The following WNK2 variants were observed in gnomAD, a reference collection of about 807,000 sequenced individuals.
The protein encoded by WNK2 is serine/threonine-protein kinase WNK2.
A neutral mutation model predicts 192.1 loss-of-function variants in WNK2; 67 were observed. The observed-to-expected ratio is 0.35, with a 90% confidence interval of 0.29 to 0.43. WNK2 has a LOEUF of 0.43. Ranked by LOEUF, WNK2 falls within the 20% of genes least tolerant of loss-of-function variation. The pLI, the probability that WNK2 is intolerant of heterozygous loss-of-function variation, is 1.00. For missense variants in WNK2, 2,698 were observed against 3,089.7 expected, an observed-to-expected ratio of 0.87 and a Z score of 3.01; for synonymous variants, 1,439 against 1,393.9, an observed-to-expected ratio of 1.03 and a Z score of -0.72.
intron 2 of WNK2, among the ~76,000 whole-genome samples, chr9:93,224,848 G>C (rs149790710): frequency 6.7e-4 from 102 of 152,316 alleles, no homozygotes; most frequent in African/African-American, 2.4e-3. Context: ...TTTAAGCACC[G>C]TGTGAGTCTG....
intron 16 of WNK2, chr9:93,266,880 G>A (rs1845249397): frequency 6.6e-6 from 1 of 152,518 alleles, no homozygotes; most frequent in Non-Finnish European, 1.5e-5. Context: ...GTCTGCCTGG[G>A]AGGAGGTGCC....
chr9:93,242,332 G>C (rs1486921654), intron 7 of WNK2, among the ~76,000 whole-genome samples: 2 of 152,250 alleles, frequency 1.3e-5, no homozygotes, highest in Non-Finnish European at 2.9e-5. Context: ...CCCAGACACA[G>C]AAGCCTCTGC....
At chr9:93,312,238 TTGTTGCC>T in intron 28 of WNK2, among the ~76,000 whole-genome samples, 2 of 152,356 alleles carry the variant, frequency 1.3e-5, no homozygotes, top group South Asian at 4.1e-4. Context: ...TGTTTTTCAT[TTGTTGCC>T]TGTGCCTTTA....
At chr9:93,221,427 C>T (rs911540797) in intron 2 of WNK2, among the ~76,000 whole-genome samples, 1 of 152,196 alleles carries the variant, frequency 6.6e-6, no homozygotes, top group African/African-American at 2.4e-5. Flanking sequence ...TCTCTCCACC[C>T]GTCTACTGGC....
chr9:93,275,407 G>A (rs1405281718), intron 19 of WNK2, among the ~76,000 whole-genome samples: 3 of 151,434 alleles, frequency 2.0e-5, no homozygotes, highest in African/African-American at 7.3e-5. Flanking sequence ...AAAAAAAAAA[G>A]TAATAATTCT....
chr9:93,251,499 C>T (rs1842603642), intron 8 of WNK2, among the ~76,000 whole-genome samples: 1 of 152,108 alleles, frequency 6.6e-6, no homozygotes, highest in African/African-American at 2.4e-5. Flanking sequence ...CACTTGAGCC[C>T]AGGGGTTCGA....
chr9:93,252,920 G>A lies in WNK2; in HGVS notation c.1872G>A (p.Val624=). ...STFDSGQGST[V]YSDSQSSQQS... ...TCGACAGCGGCCAGGGCTCTACCGT[G>A]TACTCAGACTCGCAGAGCAGCCAGC... The change falls in exon 9 of 30, where the codon GTG becomes GTA. Residue 624 remains valine, a synonymous_variant. Coordinates refer to ENST00000427277, the MANE Select transcript of WNK2 (RefSeq NM_006648.4). 1.3e-6 allele frequency: 2 copies of A among 1,568,912 alleles called. No individual in the cohort carries two copies. Among genetic ancestry groups the A allele is most frequent in the African/African-American group, 1.4e-5 (1 of 73,506 alleles).
At chr9:93,295,235 G>A (rs1197469787) in intron 23 of WNK2, among the ~76,000 whole-genome samples, 1 of 152,082 alleles carries the variant, frequency 6.6e-6, no homozygotes, top group Non-Finnish European at 1.5e-5. Context: ...CGGCCTCGGA[G>A]CAGAGTTCCA....
At position 93,257,087 on chromosome 9, in the gene WNK2, C is replaced by T. The variant is rs562107985; in HGVS notation, c.2330C>T (p.Pro777Leu). 1 of 1,608,714 alleles carries T rather than the reference C, an allele frequency of 6.2e-7. No homozygotes were observed. The highest frequency in any genetic ancestry group is 1.3e-5 in the African/African-American group (1 of 74,802). ...GTGGGGGCCCCCGCTCAGCTGAAGC[C>T]CCTCCAGATGCCACAGGCGCCCCTG... ...SQVGAPAQLK[P>L]LQMPQAPLQP... The change falls in exon 11 of 30, where the codon CCC becomes CTC. Residue 777 changes from proline (P) to leucine (L), a missense_variant. Coordinates refer to ENST00000427277, the MANE Select transcript of WNK2 (RefSeq NM_006648.4). The surrounding 1 kb of genome is among the most constrained non-coding windows in gnomAD (Gnocchi z 4.7).
In WNK2 at chr9:93,254,082, A is replaced by G. The variant is rs112336969; in HGVS notation, c.2034+1000A>G. On this transcript the variant is annotated intron_variant, in intron 9 of 29. Transcript: ENST00000427277. ...TAGGCACGCGCCACCACGCCCAGCT[A>G]ATTTTTGTGTTTTTAGTAGACACCA... Among the ~76,000 whole-genome samples, 226 of 152,200 alleles carry G rather than the reference A, an allele frequency of 1.5e-3. 1 individual carries two copies. Among genetic ancestry groups the G allele is most frequent in the Non-Finnish European group, 1.7e-3 (117 of 68,016 alleles).
chr9:93,271,993 A>C (rs1353293512), intron 19 of WNK2, among the ~76,000 whole-genome samples: 1 of 152,248 alleles, frequency 6.6e-6, no homozygotes, highest in East Asian at 1.9e-4. Context: ...GTTGAAAGAA[A>C]AAACTGTCCA....
chr9:93,209,198 G>A (rs1192556708), intron 2 of WNK2, among the ~76,000 whole-genome samples: 2 of 152,160 alleles, frequency 1.3e-5, no homozygotes, highest in Admixed American at 6.5e-5. Flanking sequence ...GTAGGTGCGA[G>A]CACCTGGCGG....
chr9:93,220,173 A>G (rs1836587456), intron 2 of WNK2, among the ~76,000 whole-genome samples: 2 of 152,266 alleles, frequency 1.3e-5, no homozygotes, highest in East Asian at 1.9e-4. Context: ...ACGAGGGTGT[A>G]CACAGGGTGC....
intron 26 of WNK2, among the ~76,000 whole-genome samples, chr9:93,306,075 C>A (rs371774051): frequency 1.3e-5 from 2 of 152,162 alleles, no homozygotes; most frequent in East Asian, 3.9e-4. Flanking sequence ...TGGGACCAGT[C>A]GGTTTAGTGG....
chr9:93,245,320 A>G (rs10821096), intron 7 of WNK2, among the ~76,000 whole-genome samples: 49,697 of 151,982 alleles, frequency 0.33, 8,305 homozygotes, highest in South Asian at 0.52. Flanking sequence ...CCATCCTCCT[A>G]TCCTCGGGCC....
At chr9:93,268,970 C>A (rs1464027924) in intron 19 of WNK2, 1 of 1,547,614 alleles carries the variant, frequency 6.5e-7, no homozygotes, top group Admixed American at 2.0e-5. Flanking sequence ...TGCCCTGTTA[C>A]CCCACCAAGT....
At chr9:93,196,294 A>G (rs1219670749) in intron 2 of WNK2, among the ~76,000 whole-genome samples, 1 of 151,826 alleles carries the variant, frequency 6.6e-6, no homozygotes, top group Non-Finnish European at 1.5e-5. Flanking sequence ...GGTGGGGGAG[A>G]TGGGACAATT....
chr9:93,232,022 G>T (rs943455432), intron 4 of WNK2, among the ~76,000 whole-genome samples: 2 of 152,162 alleles, frequency 1.3e-5, no homozygotes, highest in Admixed American at 6.5e-5. Flanking sequence ...AGCGTGGGTC[G>T]GGGCTCAGGA....
chr9:93,249,450 A>G (rs1368304331), intron 8 of WNK2, among the ~76,000 whole-genome samples: 1 of 152,156 alleles, frequency 6.6e-6, no homozygotes, highest in Admixed American at 6.5e-5. Context: ...TGCAGAGGCC[A>G]TGGCCATGCT....
Sources: allele counts gnomAD v4.1 joint callset (sites outside exome capture counted in the v4.1 genomes callset), GRCh38; gene constraint gnomAD v4.1.1; non-coding constraint Gnocchi (gnomAD v3.1); transcripts MANE v1.5; gene names NCBI Gene and HGNC (gene_info 2026-07-23, HGNC 2026-07-21).